Variants in TBL1X observed in about 807,000 individuals in gnomAD.
TBL1X encodes transducin beta like 1 X-linked.
Under a neutral mutation model 50.7 loss-of-function variants are expected in TBL1X, and 10 were observed. That is an observed-to-expected ratio of 0.20 (90% CI 0.12 to 0.33). The LOEUF is 0.33. TBL1X is among the 10% of genes least tolerant of loss of function. The pLI, the probability that TBL1X is intolerant of heterozygous loss-of-function variation, is 1.00. For synonymous variants in TBL1X, 190 were observed against 214.7 expected (o/e 0.88, Z 1.01); for missense variants, 340 against 504.4 (o/e 0.67, Z 3.12).
intron 2 of TBL1X, among the ~76,000 whole-genome samples, chrX:9,554,160 C>T (rs1368927936): frequency 8.9e-6 from 1 of 112,593 alleles, no homozygotes; most frequent in African/African-American, 3.2e-5. Flanking sequence ...GGATTAGGGG[C>T]ATGAGCTACG....
At chrX:9,552,502 C>A (rs1382729859) in intron 2 of TBL1X, among the ~76,000 whole-genome samples, 1 of 112,021 alleles carries the variant, frequency 8.9e-6, no homozygotes, top group African/African-American at 3.2e-5. Context: ...AGTCTAAAGC[C>A]TGTCCTCTCA....
chrX:9,599,303 T>C (rs889117280), intron 2 of TBL1X, among the ~76,000 whole-genome samples: 39 of 111,694 alleles, frequency 3.5e-4, no homozygotes, highest in African/African-American at 1.2e-3. Context: ...TCCTAATGAG[T>C]TTACATCTGC....
intron 3 of TBL1X, among the ~76,000 whole-genome samples, chrX:9,647,644 C>T (rs928289881): frequency 3.6e-5 from 4 of 112,075 alleles, no homozygotes; most frequent in East Asian, 2.8e-4. Flanking sequence ...AGGCTGGAAG[C>T]GGATGCTGTT....
intron 5 of TBL1X, among the ~76,000 whole-genome samples, chrX:9,661,444 G>C (rs764019594): frequency 1.5e-4 from 17 of 111,552 alleles, no homozygotes; most frequent in Non-Finnish European, 3.2e-4. Context: ...AGGACTGCCT[G>C]AGCCTGGGAG....
intron 2 of TBL1X, among the ~76,000 whole-genome samples, chrX:9,512,297 A>G (rs1184710391): frequency 9.0e-6 from 1 of 111,270 alleles, no homozygotes; most frequent in Non-Finnish European, 1.9e-5. Flanking sequence ...ATGAAGAGAA[A>G]GTTTGAAATG....
chrX:9,684,794 C>T (rs974548540), intron 6 of TBL1X, among the ~76,000 whole-genome samples: 4 of 111,736 alleles, frequency 3.6e-5, no homozygotes, highest in African/African-American at 9.8e-5. Flanking sequence ...GAAAAAGATA[C>T]GGCAGATCTT....
At chrX:9,614,445 C>G (rs2082629878) in intron 2 of TBL1X, among the ~76,000 whole-genome samples, 1 of 111,391 alleles carries the variant, frequency 9.0e-6, no homozygotes, top group Admixed American at 9.5e-5. Flanking sequence ...ACCTGTAGTC[C>G]TGGCTACTCA....
At chrX:9,522,431 C>A (rs2082111571) in intron 2 of TBL1X, among the ~76,000 whole-genome samples, 1 of 111,215 alleles carries the variant, frequency 9.0e-6, no homozygotes, top group Admixed American at 9.6e-5. Flanking sequence ...TGCAGATGAT[C>A]CCAGTGGGCT....
intron 1 of TBL1X, among the ~76,000 whole-genome samples, chrX:9,473,422 T>G (rs2081829953): frequency 8.9e-6 from 1 of 112,148 alleles, no homozygotes; most frequent in South Asian, 3.7e-4. Flanking sequence ...CTTCTGACAG[T>G]AGCAGGAGAG....
intron 2 of TBL1X, among the ~76,000 whole-genome samples, chrX:9,581,552 T>C (rs963306850): frequency 1.8e-5 from 2 of 111,900 alleles, no homozygotes; most frequent in African/African-American, 3.3e-5. Context: ...GTGTGGGGGA[T>C]GCTGTTGGCT....
intron 12 of TBL1X, among the ~76,000 whole-genome samples, 158 bp from the exon 13 acceptor site, chrX:9,704,835 C>T (rs2083197629): frequency 8.9e-6 from 1 of 112,242 alleles, no homozygotes; most frequent in African/African-American, 3.2e-5. Flanking sequence ...GCCATGATCG[C>T]ACCACTACAC....
intron 2 of TBL1X, among the ~76,000 whole-genome samples, chrX:9,574,459 GAAAAAAA>G (rs376384853): frequency 0.02 from 596 of 30,111 alleles, 6 homozygotes; most frequent in African/African-American, 0.056. Context: ...TGTCTCAAAT[GAAAAAAA>G]AAAAAAAAAA....
chrX:9,512,387 C>G (rs1158596579), intron 2 of TBL1X, among the ~76,000 whole-genome samples: 1 of 111,578 alleles, frequency 9.0e-6, no homozygotes, highest in African/African-American at 3.3e-5. Context: ...CACGTGGCAC[C>G]CCCTGAGCTT....
chrX:9,677,809 C>T (rs1437602698), intron 5 of TBL1X, among the ~76,000 whole-genome samples: 1 of 111,904 alleles, frequency 8.9e-6, no homozygotes, highest in Non-Finnish European at 1.9e-5. Flanking sequence ...GTTTTGTTGG[C>T]ACTGTAAGGT....
chrX:9,549,760 G>A (rs1490761012), intron 2 of TBL1X, among the ~76,000 whole-genome samples: 1 of 111,968 alleles, frequency 8.9e-6, no homozygotes, highest in Non-Finnish European at 1.9e-5. Flanking sequence ...TGTTCTCGCT[G>A]TACAGAATTC....
chrX:9,526,539 T>A (rs1369568091), intron 2 of TBL1X, among the ~76,000 whole-genome samples: 1 of 110,700 alleles, frequency 9.0e-6, no homozygotes, highest in Non-Finnish European at 1.9e-5. Flanking sequence ...AGATGTAATT[T>A]TTCGGTTCTA....
intron 2 of TBL1X, among the ~76,000 whole-genome samples, chrX:9,593,663 T>C (rs1453529094): frequency 9.1e-6 from 1 of 110,356 alleles, no homozygotes; most frequent in African/African-American, 3.3e-5. Context: ...CCACCTTTTC[T>C]CTCACCTCTC....
chrX:9,576,154 C>T (rs1217660494), intron 2 of TBL1X, among the ~76,000 whole-genome samples: 3 of 111,767 alleles, frequency 2.7e-5, no homozygotes, highest in Non-Finnish European at 5.6e-5. Context: ...CATGCCTGAG[C>T]GCTGTCATGT....
At chrX:9,498,262 A>G (rs972228321) in intron 1 of TBL1X, among the ~76,000 whole-genome samples, 1 of 111,130 alleles carries the variant, frequency 9.0e-6, no homozygotes, top group Non-Finnish European at 1.9e-5. Context: ...CTGCTCCATT[A>G]CTCATTTTAT....
Sources: gnomAD v4.1 joint callset for allele counts (sites outside exome capture counted in the v4.1 genomes callset) on GRCh38, gnomAD v4.1.1 for gene constraint, MANE v1.5 for transcripts, NCBI Gene and HGNC (gene_info 2026-07-23, HGNC 2026-07-21) for gene names.